The following TTN variants were observed in gnomAD, a reference collection of about 807,000 sequenced individuals.
TTN encodes the protein connectin.
TTN carries 1,525 observed loss-of-function variants against 3,223.0 expected under a neutral mutation model. That is an observed-to-expected ratio of 0.47 (90% CI 0.45 to 0.49). The LOEUF is 0.49. Ranked by LOEUF, TTN falls within the 20% of genes least tolerant of loss-of-function variation. The pLI is 0.00. For synonymous variants in TTN, 14,094 were observed against 15,161.0 expected, an observed-to-expected ratio of 0.93 and a Z score of 5.17; for missense variants, 40,786 against 43,424.0, an observed-to-expected ratio of 0.94 and a Z score of 5.40.
rs768579637 is a variant in TTN at position 178,601,782 on chromosome 2, C to T, written c.55308G>A (p.Glu18436=). The T allele has an allele frequency of 2.5e-6, 4 of 1,603,318 alleles. No homozygotes were observed. In the Admixed American group the frequency reaches 6.8e-5, roughly 27 times the overall value. ...TAATTACTGAGGAGTTTTCAGCAGT[C>T]TCCAGCTGTACAAAGAAAATAGTAG... ...VHDIPEDAQL[E]TAENSSVIII... Residue 18436 remains glutamate (E), a synonymous_variant, in exon 286 of 363, where the codon GAG becomes GAA. Transcript: ENST00000589042.
chr2:178,712,185 C>A lies in TTN; in HGVS notation c.27645G>T (p.Lys9215Asn), dbSNP rs768260006. ...GAGAGGCAGAATCTCCAACAGACAC[C>A]TTAACCGGCTCCAACTGCTTGACAA... is the stretch of plus-strand genomic sequence containing the variant. ...PYFVKQLEPVKVSVGDSASLQ... is the reference protein window; with the variant it reads ...PYFVKQLEPVNVSVGDSASLQ... The change falls in exon 96 of 363, where the codon AAG becomes AAT. Residue 9215 changes from lysine (K) to asparagine (N), a missense_variant. Transcript: ENST00000589042. The A allele has an allele frequency of 1.9e-6, 3 of 1,613,700 alleles. No individual in the cohort carries two copies. Among genetic ancestry groups the A allele is most frequent in the African/African-American group, 2.7e-5 (2 of 75,022 alleles).
In TTN at chr2:178,726,944, T is replaced by C. The variant is rs190484870; in HGVS notation, c.20275+146A>G. The C allele has an allele frequency of 3.7e-6, 3 of 817,028 alleles. No homozygotes were observed. In the African/African-American group the frequency reaches 5.3e-5, roughly 14 times the overall value. 50.6% of individuals were successfully genotyped at this position (817,028 alleles called of 1,614,324 possible). On this transcript the variant is annotated intron_variant, in intron 69 of 362. Coordinates refer to ENST00000589042, the MANE Select transcript of TTN (RefSeq NM_001267550.2). ...TAAGCAAAATTCAAGAAGGAAACCA[T>C]CTAAAAAGGGAAATAATACTAGCTC...
Position 178,591,326 on chromosome 2 carries a change from T to G in TTN, c.60399A>C (p.Ser20133=). The G allele has an allele frequency of 6.2e-7, 1 of 1,613,356 alleles. No individual in the cohort carries two copies. Among genetic ancestry groups the G allele is most frequent in the Admixed American group, 1.7e-5 (1 of 59,982 alleles). ...AGCAGTTCTTAATGGTAAGTACTGA[T>G]GAGAAGTTGTCTGTTTCAACTGTGT... The part of the protein sequence containing the change: ...EHYTVETDNF[S]SVLTIKNCLR... The change falls in exon 304 of 363, where the codon TCA becomes TCC. Residue 20133 remains serine, a synonymous_variant. Coordinates refer to ENST00000589042, the MANE Select transcript of TTN (RefSeq NM_001267550.2).
chr2:178,569,516 G>A lies in TTN; in HGVS notation c.76616C>T (p.Thr25539Ile), dbSNP rs746337217. ...RLFVPIKGRPTPEVKWGKVDG... is the reference protein window; with the variant it reads ...RLFVPIKGRPIPEVKWGKVDG... ...CACCTTTCCCCATTTAACTTCTGGT[G>A]TAGGACGACCTTTTATAGGAACAAA... is the stretch of plus-strand genomic sequence containing the variant. Residue 25539 changes from threonine to isoleucine, a missense_variant, in exon 326 of 363, where the codon ACA becomes ATA. Physicochemically the swap from Thr to Ile is moderately conservative, Grantham distance 89. Coordinates refer to ENST00000589042, the MANE Select transcript of TTN (RefSeq NM_001267550.2). 4 of 1,612,774 alleles carry A rather than the reference G, an allele frequency of 2.5e-6. No homozygotes were observed. The highest frequency in any genetic ancestry group is 1.7e-5 in the Admixed American group (1 of 59,918).
chr2:178,765,417 G>A (rs892265316), intron 41 of TTN, among the ~76,000 whole-genome samples: 1 of 152,148 alleles, frequency 6.6e-6, no homozygotes, highest in African/African-American at 2.4e-5. Flanking sequence ...TGATGAGTGA[G>A]GGGACCTGGT....
chr2:178,615,288 T>C lies in TTN; in HGVS notation c.48638+19A>G, dbSNP rs766114993. 2.5e-6 allele frequency: 4 copies of C among 1,611,614 alleles called. No individual in the cohort carries two copies. The highest frequency in any genetic ancestry group is 2.7e-5 in the African/African-American group (2 of 74,802). The stretch of plus-strand genomic sequence containing the variant: ...GACTAGGAGTACACATTTACTCTCA[T>C]GCCAAATTAAAAACCTACTTTGTTT... On this transcript the variant is annotated intron_variant, in intron 259 of 362. Coordinates refer to ENST00000589042, the MANE Select transcript of TTN (RefSeq NM_001267550.2).
intron 304 of TTN, 140 bp downstream of exon 304, chr2:178,588,397 TA>T: frequency 8.2e-7 from 1 of 1,216,014 alleles, no homozygotes; most frequent in Non-Finnish European, 1.1e-6. Flanking sequence ...GGTATTTTGG[TA>T]AAAGGTCTAT....
At chr2:178,529,292 G>A (rs570678891) in intron 359 of TTN, 73 bp from the exon 360 acceptor site, 43 of 1,166,230 alleles carry the variant, frequency 3.7e-5, no homozygotes, top group Middle Eastern at 2.3e-4. Flanking sequence ...TAGATTCTGC[G>A]TGTGAAAAAC....
chr2:178,594,061 T>C lies in TTN; in HGVS notation c.58332A>G (p.Leu19444=). 1 of 1,613,528 alleles carries C rather than the reference T, an allele frequency of 6.2e-7. No individual in the cohort carries two copies. Among genetic ancestry groups the C allele is most frequent in the Non-Finnish European group, 8.5e-7 (1 of 1,179,650 alleles). Residue 19444 remains leucine (L), a synonymous_variant, in exon 297 of 363, where the codon TTA becomes TTG. Transcript: ENST00000589042. ...HIKTTPATLA[L]EKIKAKRSDS... ...CTGAACGTTTGGCCTTGATCTTCTC[T>C]AAAGCAAGTGTTGCTGGTGTAGTCT...
chr2:178,641,354 A>G, intron 219 of TTN, 39 bp from the exon 220 acceptor site: 1 of 1,168,518 alleles, frequency 8.6e-7, no homozygotes, highest in Non-Finnish European at 1.2e-6. Context: ...ACCAAGACAA[A>G]CTAATGAAGA....
Position 178,771,296 on chromosome 2 carries a change from G to A in TTN, c.8031C>T (p.Ile2677=), listed in dbSNP as rs781305479. 2.5e-6 allele frequency: 4 copies of A among 1,614,148 alleles called. No homozygotes were observed. In the East Asian group the frequency reaches 6.7e-5, roughly 27 times the overall value. ...SESDGHKRRL[I]IAATKLDDIG... is the part of the protein sequence containing the mutation. ...TGTCATCTAATTTGGTGGCAGCAAT[G>A]ATAAGTCTCCTTTTGTGGCCATCAG... The change falls in exon 34 of 363, where the codon ATC becomes ATT. Residue 2677 remains isoleucine (I), a synonymous_variant. Coordinates refer to ENST00000589042, the MANE Select transcript of TTN (RefSeq NM_001267550.2).
rs149662578 is a variant in TTN, at chr2:178,782,816, C to T, written c.3090G>A (p.Leu1030=). The change falls in exon 18 of 363, where the codon CTG becomes CTA. Residue 1030 remains leucine (L), a synonymous_variant. Coordinates refer to ENST00000589042, the MANE Select transcript of TTN (RefSeq NM_001267550.2). ...AGGGTGGCCACTAACCCTGCACAGC[C>T]AGATAGCAGGATGTGCTGACGGTTC... ...EAGTVSTSCY[L]AVQVSEEFEK... 1.2e-6 allele frequency: 2 copies of T among 1,612,924 alleles called. No homozygotes were observed. Among genetic ancestry groups the T allele is most frequent in the Non-Finnish European group, 1.7e-6 (2 of 1,179,842 alleles).
At chr2:178,756,123 T>A in intron 46 of TTN, 99 bp downstream of exon 46, 1 of 905,362 alleles carries the variant, frequency 1.1e-6, no homozygotes, top group Non-Finnish European at 1.7e-6. Context: ...TTTAGAGATA[T>A]TCTAATTAAT....
Position 178,731,581 on chromosome 2 carries a change from G to C in TTN, c.17185C>G (p.Pro5729Ala), listed in dbSNP as rs1401132642. 1 of 1,591,432 alleles carries C rather than the reference G, an allele frequency of 6.3e-7. No individual in the cohort carries two copies. The highest frequency in any genetic ancestry group is 1.8e-5 in the Admixed American group (1 of 57,016). The part of the protein sequence containing the change: ...ICSARVTLRE[P>A]PSFIKKIEST... The stretch of plus-strand genomic sequence containing the variant: ...TCGATCTTCTTTATGAAGGATGGGG[G>C]TTCTAACAGAAGAATGAATTCTCAA... The change falls in exon 59 of 363, where the codon CCC becomes GCC. Residue 5729 changes from proline (P) to alanine (A), a missense_variant and splice_region_variant. Coordinates refer to ENST00000589042, the MANE Select transcript of TTN (RefSeq NM_001267550.2).
rs780733282 is a variant in TTN at position 178,782,558 on chromosome 2, A to G, written c.3145T>C (p.Phe1049Leu). ...EKETTAVTEK[F>L]TTEEKRFVES... The stretch of plus-strand genomic sequence containing the variant: ...TTTTACCGTTTCTCTTCTGTAGTAA[A>G]TTTCTCAGTCACGGCTGTGGTTTCC... Residue 1049 changes from phenylalanine (F) to leucine (L), a missense_variant, in exon 19 of 363, where the codon TTT (phenylalanine) becomes CTT (leucine). Coordinates refer to ENST00000589042, the MANE Select transcript of TTN (RefSeq NM_001267550.2). The G allele has an allele frequency of 5.6e-6, 9 of 1,614,002 alleles. No individual in the cohort carries two copies. The highest frequency in any genetic ancestry group is 3.4e-6 in the Non-Finnish European group (4 of 1,179,970).
At chr2:178,781,315 G>T in intron 20 of TTN, 52 bp from the exon 21 acceptor site, 2 of 1,602,640 alleles carry the variant, frequency 1.2e-6, no homozygotes, top group South Asian at 2.2e-5. Flanking sequence ...ACTCTTCTGT[G>T]GGTAAAATAA....
At position 178,564,790 on chromosome 2, in the gene TTN, C is replaced by A; in HGVS notation, c.81342G>T (p.Lys27114Asn). The A allele has an allele frequency of 6.2e-7, 1 of 1,612,184 alleles. No homozygotes were observed. The highest frequency in any genetic ancestry group is 1.1e-5 in the South Asian group (1 of 90,926). The change falls in exon 326 of 363, where the codon AAG (lysine) becomes AAT (asparagine). Residue 27114 changes from lysine to asparagine, a missense_variant. Lys to Asn is a moderately conservative substitution (Grantham distance 94). Transcript: ENST00000589042. ...IIGYHLEQKE[K>N]NSILWVKLNK... ...TTAACTTGACCCATAAAATACTGTT[C>A]TTTTCTTTCTGTTCAAGATGGTAGC...
chr2:178,582,875 TA>T, intron 313 of TTN, 64 bp downstream of exon 313: 1 of 1,312,404 alleles, frequency 7.6e-7, no homozygotes, highest in Non-Finnish European at 1.0e-6. Context: ...CATTATTCTG[TA>T]AATCCTATTT....
chr2:178,671,604 G>A (rs987517595), intron 155 of TTN, among the ~76,000 whole-genome samples: 1 of 151,718 alleles, frequency 6.6e-6, no homozygotes, highest in African/African-American at 2.4e-5. Context: ...TTAAAGCAGT[G>A]ATTATTTTGC....
Sources: allele counts gnomAD v4.1 joint callset (sites outside exome capture counted in the v4.1 genomes callset), GRCh38; gene constraint gnomAD v4.1.1; transcripts MANE v1.5; gene names NCBI Gene and HGNC (gene_info 2026-07-23, HGNC 2026-07-21).